L3HYPDH: variants seen among roughly 807,000 people sequenced by gnomAD.
L3HYPDH encodes trans-L-3-hydroxyproline dehydratase.
Under a neutral mutation model 26.5 loss-of-function variants are expected in L3HYPDH, and 32 were observed. The observed-to-expected ratio is 1.21, with a 90% CI of 0.91 to 1.62. L3HYPDH has a LOEUF of 1.62. Ranked by LOEUF, L3HYPDH falls within the 40% of genes most tolerant of loss-of-function variation. The pLI is 0.00. For synonymous variants in L3HYPDH, 215 were observed against 196.6 expected, an observed-to-expected ratio of 1.09 and a Z score of -0.78; for missense variants, 554 against 476.4, an observed-to-expected ratio of 1.16 and a Z score of -1.52.
chr14:59,469,174 A>G (rs1319854229), downstream of L3HYPDH, among the ~76,000 whole-genome samples: 1 of 152,142 alleles, frequency 6.6e-6, no homozygotes, highest in Non-Finnish European at 1.5e-5. Flanking sequence ...TGGGGGAAAA[A>G]GTCTTGACTG....
chr14:59,497,732 T>C, the L3HYPDH span, among the ~76,000 whole-genome samples: 2 of 152,100 alleles, frequency 1.3e-5, no homozygotes, highest in Admixed American at 1.3e-4. Flanking sequence ...GACAAAAAAA[T>C]TATCACCCAA....
the L3HYPDH span, chr14:59,504,283 T>TC: frequency 7.3e-6 from 4 of 545,284 alleles, no homozygotes; most frequent in Admixed American, 3.3e-5. Flanking sequence ...CAGGGTAATA[T>TC]TATCTGCTAC....
In L3HYPDH at chr14:59,484,270, C is replaced by G; in HGVS notation, c.47G>C (p.Gly16Ala). The change falls in exon 1 of 5, where the codon GGG becomes GCG. Residue 16 changes from glycine to alanine, a missense_variant. Gly to Ala is a moderately conservative substitution (Grantham distance 60). Coordinates refer to ENST00000247194, the MANE Select transcript of L3HYPDH (RefSeq NM_144581.2). ...GTCCACCACCGACAGCACCGGCGTCCCTGGATCATGCGGGGGCAGCCGGGG... is the reference window on the plus strand; with the variant it reads ...GTCCACCACCGACAGCACCGGCGTCGCTGGATCATGCGGGGGCAGCCGGGG... ...AVPRLPPHDP[G>A]TPVLSVVDMH... 1 of 1,596,726 alleles carries G rather than the reference C, an allele frequency of 6.3e-7. No individual in the cohort carries two copies. The highest frequency in any genetic ancestry group is 8.5e-7 in the Non-Finnish European group (1 of 1,179,008).
the L3HYPDH span, among the ~76,000 whole-genome samples, chr14:59,502,299 AGT>A: frequency 6.6e-6 from 1 of 152,210 alleles, no homozygotes. Context: ...AGAAGTATAA[AGT>A]GTCTCAGTAC....
chr14:59,472,945 C>A lies in L3HYPDH; in HGVS notation c.*20G>T, dbSNP rs773541371. ...ATAATGATTACTTTAAAAAGAAAGCCCTTAAAATCATGGAAGAAGTCACTT... is the reference window on the plus strand; with the variant it reads ...ATAATGATTACTTTAAAAAGAAAGCACTTAAAATCATGGAAGAAGTCACTT... On this transcript the variant is annotated 3_prime_UTR_variant, in exon 5 of 5. Transcript: ENST00000247194. 4 of 1,568,214 alleles carry A rather than the reference C, an allele frequency of 2.6e-6. No individual in the cohort carries two copies. The African/African-American group carries it at 4.2e-5, about 16-fold the overall frequency.
downstream of L3HYPDH, among the ~76,000 whole-genome samples, chr14:59,469,277 A>G (rs1246053664): frequency 6.6e-6 from 1 of 152,122 alleles, no homozygotes; most frequent in Admixed American, 6.5e-5. Context: ...AGGGGAGGCC[A>G]GGCGCGGTGG....
At chr14:59,470,600 A>G (rs546413891), downstream of L3HYPDH, among the ~76,000 whole-genome samples, 3 of 152,286 alleles carry the variant, frequency 2.0e-5, no homozygotes, top group East Asian at 5.8e-4. Context: ...GGGTGAGCTC[A>G]GCACCAAGGG....
intron 1 of L3HYPDH, among the ~76,000 whole-genome samples, 153 bp from the exon 2 acceptor site, chr14:59,479,504 T>C (rs1319672549): frequency 6.6e-6 from 1 of 150,818 alleles, no homozygotes; most frequent in Non-Finnish European, 1.5e-5. Flanking sequence ...TTTAAATGAA[T>C]AAGCATCGAG....
At chr14:59,496,850 T>C in the L3HYPDH span, among the ~76,000 whole-genome samples, 1 of 152,202 alleles carries the variant, frequency 6.6e-6, no homozygotes, top group African/African-American at 2.4e-5. Context: ...AAAACAGTGA[T>C]TTTTAAAATT....
At chr14:59,503,443 G>A in the L3HYPDH span, among the ~76,000 whole-genome samples, 6 of 152,172 alleles carry the variant, frequency 3.9e-5, no homozygotes, top group African/African-American at 9.7e-5. Context: ...AGGTTAAGGA[G>A]GTTGGGTTTC....
rs2139842054 is a variant in L3HYPDH, at chr14:59,484,153, C to G, written c.164G>C (p.Arg55Pro). 1.2e-6 allele frequency: 2 copies of G among 1,600,786 alleles called. No individual in the cohort carries two copies. Among genetic ancestry groups the G allele is most frequent in the East Asian group, 2.2e-5 (1 of 44,814 alleles). ...PTLLAKRRYM[R>P]QHLDHVRRRL... The stretch of plus-strand genomic sequence containing the variant: ...TCGCCGCACGTGGTCAAGGTGCTGG[C>G]GCATGTAGCGCCGCTTGGCCAGCAG... Residue 55 changes from arginine (R) to proline (P), a missense_variant, in exon 1 of 5, where the codon CGC becomes CCC. By Grantham distance (103) the Arg-to-Pro change is moderately radical. Transcript: ENST00000247194.
At chr14:59,484,804 G>T (rs1044906766), upstream of L3HYPDH, 7 of 911,758 alleles carry the variant, frequency 7.7e-6, no homozygotes, top group African/African-American at 8.4e-5. Flanking sequence ...CGCGCTGTCT[G>T]CGGCGAAATG....
chr14:59,474,609 G>T (rs371215458), intron 4 of L3HYPDH: 1 of 647,112 alleles, frequency 1.5e-6, no homozygotes, highest in African/African-American at 1.8e-5. Flanking sequence ...TCTGTTCAGA[G>T]ACCCACCTTC....
In L3HYPDH at chr14:59,474,484, T is replaced by C. The variant is rs75034056; in HGVS notation, c.939+1385A>G. ...CTTTGGTCTCTCGGCTCCCTCTCTA[T>C]TTGGGGGGACATTGCAATCCCAGAT... On this transcript the variant is annotated intron_variant, in intron 4 of 4. Transcript: ENST00000247194. The C allele has an allele frequency of 5.1e-3, 3,541 of 699,760 alleles. 93 individuals are homozygous for C. The African/African-American group carries it at 0.051, about 10-fold the overall frequency. The allele number at this position is 699,760 out of a possible 1,614,324, so 43.3% of individuals were successfully genotyped here. A position where few individuals can be genotyped will look rare whatever the true frequency, so the allele number is the denominator to read the frequency against.
chr14:59,497,277 G>A, the L3HYPDH span, among the ~76,000 whole-genome samples: 2 of 152,146 alleles, frequency 1.3e-5, no homozygotes, highest in African/African-American at 4.8e-5. Context: ...TATGGAAAAT[G>A]AGCAGTTATT....
At chr14:59,494,407 A>T in the L3HYPDH span, among the ~76,000 whole-genome samples, 3 of 152,196 alleles carry the variant, frequency 2.0e-5, no homozygotes, top group African/African-American at 7.2e-5. Flanking sequence ...AAGCAATAAC[A>T]TGGATGAAAC....
At chr14:59,470,284 C>T (rs1458200079), downstream of L3HYPDH, among the ~76,000 whole-genome samples, 1 of 152,182 alleles carries the variant, frequency 6.6e-6, no homozygotes, top group Non-Finnish European at 1.5e-5. Flanking sequence ...TTAGCATCGC[C>T]TGAGAGCTTG....
chr14:59,492,972 G>T, the L3HYPDH span, among the ~76,000 whole-genome samples: 3 of 151,168 alleles, frequency 2.0e-5, no homozygotes, highest in East Asian at 5.9e-4. Context: ...CAATTTTTTT[G>T]TATCTTTAGT....
the L3HYPDH span, chr14:59,498,958 T>C: frequency 4.0e-6 from 4 of 995,106 alleles, no homozygotes; most frequent in South Asian, 9.0e-5. Context: ...TTGTATGTAG[T>C]AATATTTCCT....
Sources: allele counts gnomAD v4.1 joint callset (sites outside exome capture counted in the v4.1 genomes callset), GRCh38; gene constraint gnomAD v4.1.1; transcripts MANE v1.5; gene names NCBI Gene and HGNC (gene_info 2026-07-23, HGNC 2026-07-21).